CD2AP: variants seen among roughly 807,000 people sequenced by gnomAD.
CD2AP encodes the protein CD2-associated protein.
CD2AP carries 46 observed loss-of-function variants against 85.1 expected under a neutral mutation model. That is an observed-to-expected ratio of 0.54 (90% CI 0.43 to 0.69). The LOEUF is 0.69. Ranked by LOEUF, CD2AP falls within the 30% of genes least tolerant of loss-of-function variation. The pLI is 0.00. For missense variants in CD2AP, 769 were observed against 729.5 expected, an observed-to-expected ratio of 1.05 and a Z score of -0.62; for synonymous variants, 255 against 252.9, an observed-to-expected ratio of 1.01 and a Z score of -0.08.
intron 17 of CD2AP, among the ~76,000 whole-genome samples, chr6:47,615,277 G>A (rs1488642550): frequency 6.6e-6 from 1 of 152,118 alleles, no homozygotes; most frequent in Non-Finnish European, 1.5e-5. Context: ...CAACATGTAA[G>A]GATTATTGTT....
At chr6:47,613,306 A>G (rs1203237803) in intron 17 of CD2AP, among the ~76,000 whole-genome samples, 1 of 152,212 alleles carries the variant, frequency 6.6e-6, no homozygotes, top group Non-Finnish European at 1.5e-5. Flanking sequence ...AGGAATCACT[A>G]TCTATGGCAG....
intron 2 of CD2AP, among the ~76,000 whole-genome samples, chr6:47,513,036 AGT>A (rs1163124366): frequency 2.6e-5 from 4 of 152,200 alleles, no homozygotes; most frequent in Non-Finnish European, 5.9e-5. Flanking sequence ...ACAATGAGAA[AGT>A]GTGTTAGTTT....
At chr6:47,590,331 T>C (rs1331808736) in intron 11 of CD2AP, among the ~76,000 whole-genome samples, 1 of 152,092 alleles carries the variant, frequency 6.6e-6, no homozygotes, top group Non-Finnish European at 1.5e-5. Context: ...TGTTTACATA[T>C]ATAAGTATAT....
Position 47,510,062 on chromosome 6 carries a change from C to T in CD2AP, c.165+6622C>T, listed in dbSNP as rs138330050. Among the ~76,000 whole-genome samples the T allele has an allele frequency of 9.0e-3, 1,364 of 152,026 alleles. 12 individuals carry two copies. Among genetic ancestry groups the T allele is most frequent in the Middle Eastern group, 0.031 (9 of 294 alleles). On this transcript the variant is annotated intron_variant, in intron 2 of 17. Transcript: ENST00000359314. ...CTAGAAGTTAAATTTAATGAACTGC[C>T]TGCTAGCAGAGTATATAGTTTATGA...
intron 17 of CD2AP, among the ~76,000 whole-genome samples, chr6:47,623,163 C>T (rs939940518): frequency 1.3e-5 from 2 of 152,094 alleles, no homozygotes; most frequent in Admixed American, 6.5e-5. Flanking sequence ...AATTAATAAA[C>T]GGTTCTTGAG....
chr6:47,586,539 A>C (rs1198346007), intron 11 of CD2AP, among the ~76,000 whole-genome samples: 1 of 152,202 alleles, frequency 6.6e-6, no homozygotes, highest in African/African-American at 2.4e-5. Flanking sequence ...AAAAAGCTTA[A>C]AGCCAGGAAG....
Position 47,503,272 on chromosome 6 carries a change from T to C in CD2AP, c.5-8T>C. The C allele has an allele frequency of 3.1e-6, 5 of 1,611,894 alleles. No individual in the cohort carries two copies. The highest frequency in any genetic ancestry group is 2.7e-5 in the African/African-American group (2 of 75,002). On this transcript the variant is annotated splice_region_variant and splice_polypyrimidine_tract_variant and intron_variant, in intron 1 of 17. Coordinates refer to ENST00000359314, the MANE Select transcript of CD2AP (RefSeq NM_012120.3). ...TTTTAGACATTTCGTTTTTTCCCCCTTTTTTAGTTGACTATATTGTGGAGT... is the reference window on the plus strand; with the variant it reads ...TTTTAGACATTTCGTTTTTTCCCCCCTTTTTAGTTGACTATATTGTGGAGT...
At chr6:47,617,981 A>T (rs1769639326) in intron 17 of CD2AP, among the ~76,000 whole-genome samples, 1 of 151,808 alleles carries the variant, frequency 6.6e-6, no homozygotes, top group Admixed American at 6.6e-5. Context: ...GCCCTGCTCA[A>T]ACAATTACCT....
chr6:47,611,383 G>T (rs538756229), intron 16 of CD2AP, among the ~76,000 whole-genome samples: 2 of 92,376 alleles, frequency 2.2e-5, no homozygotes, highest in East Asian at 2.2e-4. Context: ...ATGGAAGAGG[G>T]GGGGAATAGG....
chr6:47,549,414 CAT>C (rs1172741462), intron 4 of CD2AP, among the ~76,000 whole-genome samples: 5 of 134,618 alleles, frequency 3.7e-5, no homozygotes, highest in Non-Finnish European at 7.7e-5. Context: ...CAACAGCAGT[CAT>C]GTGGAGAATC....
chr6:47,532,334 C>A (rs1414910688), intron 2 of CD2AP, among the ~76,000 whole-genome samples: 2 of 146,456 alleles, frequency 1.4e-5, no homozygotes, highest in East Asian at 4.0e-4. Flanking sequence ...CAGAGGGAGA[C>A]CTTGTCTGAA....
chr6:47,570,847 T>G (rs1049192433), intron 5 of CD2AP, among the ~76,000 whole-genome samples: 3 of 152,186 alleles, frequency 2.0e-5, no homozygotes, highest in African/African-American at 7.2e-5. Flanking sequence ...CATGCTGCCT[T>G]GCAACCATTG....
intron 3 of CD2AP, 143 bp downstream of exon 3, chr6:47,533,898 C>A: frequency 1.4e-6 from 1 of 738,812 alleles, no homozygotes; most frequent in Admixed American, 2.8e-5. Context: ...CTAGTTATTG[C>A]CCTGTGTAGT....
At chr6:47,478,805 C>T (rs1375752099) in intron 1 of CD2AP, among the ~76,000 whole-genome samples, 1 of 152,102 alleles carries the variant, frequency 6.6e-6, no homozygotes, top group African/African-American at 2.4e-5. Flanking sequence ...CGGGTTCTAC[C>T]TAGGCAAGTG....
chr6:47,584,974 C>T (rs1349253116), intron 11 of CD2AP, among the ~76,000 whole-genome samples: 1 of 151,942 alleles, frequency 6.6e-6, no homozygotes, highest in African/African-American at 2.4e-5. Flanking sequence ...TTCCCCTTTT[C>T]CCTAAAATCA....
At chr6:47,608,234 A>C (rs763497318) in intron 15 of CD2AP, among the ~76,000 whole-genome samples, 5 of 152,224 alleles carry the variant, frequency 3.3e-5, no homozygotes, top group Non-Finnish European at 5.9e-5. Flanking sequence ...ATTGAATAAA[A>C]TAAATATTAC....
At chr6:47,532,995 C>T (rs1189219742) in intron 2 of CD2AP, among the ~76,000 whole-genome samples, 1 of 152,066 alleles carries the variant, frequency 6.6e-6, no homozygotes, top group African/African-American at 2.4e-5. Flanking sequence ...ACTACCAGCC[C>T]ACAGGACAAG....
intron 1 of CD2AP, among the ~76,000 whole-genome samples, chr6:47,488,057 CTT>C (rs1176054231): frequency 8.4e-6 from 1 of 119,468 alleles, no homozygotes; most frequent in Non-Finnish European, 1.7e-5. Context: ...GAAATAAACT[CTT>C]TAATTCTTTC....
At position 47,568,630 on chromosome 6, in the gene CD2AP, G is replaced by T. The variant is rs574312323; in HGVS notation, c.542-5434G>T. Among the ~76,000 whole-genome samples, 182 of 152,282 alleles carry T rather than the reference G, an allele frequency of 1.2e-3. 2 individuals are homozygous for T. Among genetic ancestry groups the T allele is most frequent in the Non-Finnish European group, 8.1e-4 (55 of 68,012 alleles). ...ATGGTGGTGTGCACCTGTAATCGCA[G>T]CTACTTGGGAGGCTGAGGCAGGAGA... On this transcript the variant is annotated intron_variant, in intron 5 of 17. Transcript: ENST00000359314.
Sources: allele counts gnomAD v4.1 joint callset (sites outside exome capture counted in the v4.1 genomes callset), GRCh38; gene constraint gnomAD v4.1.1; transcripts MANE v1.5; gene names NCBI Gene and HGNC (gene_info 2026-07-23, HGNC 2026-07-21).